Variants in PHLDB2 observed in about 807,000 individuals in gnomAD.
PHLDB2 encodes the protein pleckstrin homology-like domain family B member 2.
Under a neutral mutation model 123.6 loss-of-function variants are expected in PHLDB2, and 71 were observed. The observed-to-expected ratio is 0.57, with a 90% CI of 0.47 to 0.70. PHLDB2 has a LOEUF of 0.70. Among genes scored for constraint, PHLDB2 ranks in the 30% least tolerant of loss-of-function variants. The pLI, the probability that PHLDB2 is intolerant of heterozygous loss-of-function variation, is 0.00. For synonymous variants in PHLDB2, 547 were observed against 541.6 expected (o/e 1.01, Z -0.14); for missense variants, 1,446 against 1,519.5 (o/e 0.95, Z 0.80).
chr3:111,857,232 G>A (rs978329590), upstream of PHLDB2, among the ~76,000 whole-genome samples: 6 of 152,082 alleles, frequency 3.9e-5, no homozygotes, highest in Admixed American at 1.3e-4. Context: ...CAGACAGATC[G>A]CTTGAGCCCA....
intron 13 of PHLDB2, among the ~76,000 whole-genome samples, chr3:111,965,532 A>T (rs991413189): frequency 6.6e-6 from 1 of 152,214 alleles, no homozygotes; most frequent in Non-Finnish European, 1.5e-5. Flanking sequence ...CTTCATTTTT[A>T]TATGAATTTT....
At chr3:111,827,072 C>T (rs1305836893) in intron 1 of PHLDB2, among the ~76,000 whole-genome samples, 1 of 152,190 alleles carries the variant, frequency 6.6e-6, no homozygotes, top group Non-Finnish European at 1.5e-5. Context: ...AAACAAAAAA[C>T]AGAGGTGCTA....
At chr3:111,830,967 A>AAG (rs1384440095) in intron 1 of PHLDB2, among the ~76,000 whole-genome samples, 2 of 31,996 alleles carry the variant, frequency 6.3e-5, no homozygotes, top group African/African-American at 3.7e-4. Context: ...GAAAGAAAGA[A>AAG]AGAAAGAAAG....
chr3:111,788,662 C>T (rs771661580), intron 1 of PHLDB2, among the ~76,000 whole-genome samples: 1 of 152,212 alleles, frequency 6.6e-6, no homozygotes, highest in Admixed American at 6.5e-5. Flanking sequence ...CAACCTGAAG[C>T]CTGCAAGCCT....
At chr3:111,935,039 G>A (rs1172779624) in intron 6 of PHLDB2, among the ~76,000 whole-genome samples, 1 of 148,876 alleles carries the variant, frequency 6.7e-6, no homozygotes, top group Non-Finnish European at 1.5e-5. Context: ...CCAGGTAACT[G>A]TCTTCTTGTG....
intron 1 of PHLDB2, among the ~76,000 whole-genome samples, chr3:111,861,192 A>C (rs1225624810): frequency 1.3e-5 from 2 of 152,348 alleles, no homozygotes; most frequent in Non-Finnish European, 2.9e-5. Flanking sequence ...GAATGGCTAT[A>C]TCTCTCTTGC....
chr3:111,800,631 A>G (rs1216052464), intron 1 of PHLDB2, among the ~76,000 whole-genome samples: 1 of 152,150 alleles, frequency 6.6e-6, no homozygotes, highest in Non-Finnish European at 1.5e-5. Context: ...ATGAACTGGC[A>G]TTTCTGAACT....
intron 3 of PHLDB2, chr3:111,914,866 T>G (rs1193386538): frequency 2.6e-5 from 4 of 152,118 alleles, no homozygotes; most frequent in African/African-American, 9.7e-5. Context: ...CTTTTAAATT[T>G]TTTTTTCTTT....
At chr3:111,769,657 G>A (rs1288751031) in intron 1 of PHLDB2, among the ~76,000 whole-genome samples, 1 of 152,200 alleles carries the variant, frequency 6.6e-6, no homozygotes, top group African/African-American at 2.4e-5. Flanking sequence ...ACATTTTCCA[G>A]GTCTAAAAGT....
intron 2 of PHLDB2, among the ~76,000 whole-genome samples, chr3:111,847,444 C>G (rs1401576968): frequency 1.3e-5 from 2 of 152,106 alleles, no homozygotes; most frequent in African/African-American, 2.4e-5. Context: ...GTTATTGAGG[C>G]TTGATTTAGG....
intron 6 of PHLDB2, among the ~76,000 whole-genome samples, chr3:111,936,983 G>GA (rs1452448880): frequency 6.6e-6 from 1 of 152,170 alleles, no homozygotes; most frequent in African/African-American, 2.4e-5. Flanking sequence ...AATTCTTTTA[G>GA]AAGTTATAAA....
intron 1 of PHLDB2, among the ~76,000 whole-genome samples, chr3:111,796,135 GTGTC>G (rs916651947): frequency 6.6e-6 from 1 of 152,100 alleles, no homozygotes; most frequent in Non-Finnish European, 1.5e-5. Context: ...CTGACCTCAG[GTGTC>G]TGCCTGACTC....
chr3:111,785,315 G>C (rs975842475), intron 1 of PHLDB2, among the ~76,000 whole-genome samples: 1 of 152,010 alleles, frequency 6.6e-6, no homozygotes, highest in African/African-American at 2.4e-5. Flanking sequence ...TATTAAGTCT[G>C]TTAACCCCTA....
intron 2 of PHLDB2, chr3:111,911,584 A>C: frequency 6.5e-7 from 1 of 1,530,184 alleles, no homozygotes; most frequent in Non-Finnish European, 8.8e-7. Flanking sequence ...CTGAAGAGAT[A>C]AATAAGTACC....
intron 1 of PHLDB2, among the ~76,000 whole-genome samples, chr3:111,779,076 G>A (rs1004889188): frequency 6.6e-6 from 1 of 152,006 alleles, no homozygotes; most frequent in South Asian, 2.1e-4. Context: ...CCCTACCTTC[G>A]GAGTTTCTGA....
At chr3:111,771,632 A>C (rs1410131507) in intron 1 of PHLDB2, among the ~76,000 whole-genome samples, 1 of 152,154 alleles carries the variant, frequency 6.6e-6, no homozygotes, top group Non-Finnish European at 1.5e-5. Context: ...GAGCCACTGC[A>C]CCTGGCCACT....
chr3:111,946,858 T>G (rs2070345833), intron 9 of PHLDB2, among the ~76,000 whole-genome samples: 1 of 152,198 alleles, frequency 6.6e-6, no homozygotes, highest in African/African-American at 2.4e-5. Flanking sequence ...GAAATTGTTG[T>G]GGAGATTACT....
intron 5 of PHLDB2, among the ~76,000 whole-genome samples, chr3:111,923,164 C>T (rs2068617688): frequency 6.6e-6 from 1 of 152,140 alleles, no homozygotes; most frequent in Non-Finnish European, 1.5e-5. Context: ...TCTTCCCACT[C>T]CAGTTGGCTT....
intron 1 of PHLDB2, among the ~76,000 whole-genome samples, chr3:111,860,122 G>A (rs2064749335): frequency 6.6e-6 from 1 of 152,084 alleles, no homozygotes; most frequent in Non-Finnish European, 1.5e-5. Context: ...TGGGGGAACT[G>A]GGGGCAACTT....
Sources: gnomAD v4.1 joint callset for allele counts (sites outside exome capture counted in the v4.1 genomes callset) on GRCh38, gnomAD v4.1.1 for gene constraint, MANE v1.5 for transcripts, NCBI Gene and HGNC (gene_info 2026-07-23, HGNC 2026-07-21) for gene names.